The following SLC4A10 variants were observed in gnomAD, a reference collection of about 807,000 sequenced individuals.
SLC4A10 encodes the protein solute carrier family 4 member 10.
A neutral mutation model predicts 137.7 loss-of-function variants in SLC4A10; 42 were observed. The observed-to-expected ratio is 0.30, with a 90% CI of 0.24 to 0.39. The LOEUF (loss-of-function observed/expected upper bound fraction) is 0.39, where lower values mean the gene tolerates loss of function less well. Among genes scored for constraint, SLC4A10 ranks in the 10% least tolerant of loss-of-function variants. The pLI, the probability that SLC4A10 is intolerant of heterozygous loss-of-function variation, is 1.00. For missense variants in SLC4A10, 925 were observed against 1,355.0 expected (o/e 0.68, Z 4.98); for synonymous variants, 474 against 464.1 (o/e 1.02, Z -0.27).
At chr2:161,974,362 A>C (rs746454452) in intron 24 of SLC4A10, 46 bp downstream of exon 24, 1 of 1,427,242 alleles carries the variant, frequency 7.0e-7, no homozygotes. Flanking sequence ...AATGAAATGC[A>C]TTGTTATATA....
intron 1 of SLC4A10, among the ~76,000 whole-genome samples, chr2:161,632,593 T>C (rs1175641562): frequency 6.6e-6 from 1 of 151,578 alleles, no homozygotes; most frequent in African/African-American, 2.4e-5. Context: ...ATAGTAAATA[T>C]AAAAATTTGG....
intron 1 of SLC4A10, among the ~76,000 whole-genome samples, chr2:161,693,754 A>G (rs903569290): frequency 6.8e-6 from 1 of 147,836 alleles, no homozygotes; most frequent in Non-Finnish European, 1.5e-5. Context: ...CATTTCACTT[A>G]CCAAAATGCC....
chr2:161,698,076 A>G (rs566083694), intron 1 of SLC4A10, among the ~76,000 whole-genome samples: 1 of 152,306 alleles, frequency 6.6e-6, no homozygotes, highest in East Asian at 1.9e-4. Context: ...GCAATTGTGA[A>G]TGGGAGTTCA....
chr2:161,942,771 G>T lies in SLC4A10; in HGVS notation c.1998-21G>T, dbSNP rs1192174803. The T allele has an allele frequency of 3.2e-6, 5 of 1,565,918 alleles. No homozygotes were observed. In the Admixed American group the frequency reaches 5.5e-5, roughly 17 times the overall value. On this transcript the variant is annotated intron_variant, in intron 15 of 26. Transcript: ENST00000446997. ...ACAAAAAGCTACTTATTTCACAAAA[G>T]ACACTATTTTGCCTTTTCAGGTGTA...
At chr2:161,957,407 A>G (rs1327187478) in intron 20 of SLC4A10, among the ~76,000 whole-genome samples, 167 bp downstream of exon 20, 2 of 152,198 alleles carry the variant, frequency 1.3e-5, no homozygotes, top group Non-Finnish European at 2.9e-5. Context: ...AAGGGAGGGA[A>G]ATTACGTCCT....
At chr2:161,687,619 G>A (rs939903683) in intron 1 of SLC4A10, among the ~76,000 whole-genome samples, 2 of 152,006 alleles carry the variant, frequency 1.3e-5, no homozygotes, top group African/African-American at 4.8e-5. Flanking sequence ...CATTTGTTAA[G>A]CAATATTGAT....
At position 161,766,936 on chromosome 2, in the gene SLC4A10, A is replaced by G. The variant is rs1051817973; in HGVS notation, c.49-4037A>G. On this transcript the variant is annotated intron_variant, in intron 1 of 26. Transcript: ENST00000446997. ...CAGAAAGATATAAGACCACAGGCTA[A>G]AAAACATATCTTTCCACTATGTATT... Among the ~76,000 whole-genome samples, 25 of 151,332 alleles carry G rather than the reference A, an allele frequency of 1.7e-4. No individual in the cohort carries two copies. The South Asian group carries it at 1.7e-3, about 10-fold the overall frequency.
At chr2:161,752,649 A>T (rs1280984294) in intron 1 of SLC4A10, among the ~76,000 whole-genome samples, 1 of 152,186 alleles carries the variant, frequency 6.6e-6, no homozygotes, top group East Asian at 1.9e-4. Context: ...AAATAAAAAA[A>T]TCTTGTCATT....
intron 16 of SLC4A10, 57 bp downstream of exon 16, chr2:161,942,954 T>C: frequency 7.3e-7 from 1 of 1,377,800 alleles, no homozygotes; most frequent in Non-Finnish European, 1.0e-6. Flanking sequence ...ACATTTTGAC[T>C]CAATTATTGC....
At position 161,947,673 on chromosome 2, in the gene SLC4A10, T is replaced by C; in HGVS notation, c.2211T>C (p.Val737=). ...FWSVILFFST[V]TLSATLKQFK... ...CTGTGATCCTGTTCTTTTCCACAGTTACTCTGTCAGCCACCCTGAAGCAGT... is the reference window on the plus strand; with the variant it reads ...CTGTGATCCTGTTCTTTTCCACAGTCACTCTGTCAGCCACCCTGAAGCAGT... Residue 737 remains valine (V), a synonymous_variant, in exon 17 of 27, where the codon GTT becomes GTC. Coordinates refer to ENST00000446997, the MANE Select transcript of SLC4A10 (RefSeq NM_001178015.2). 6.2e-7 allele frequency: 1 copy of C among 1,613,328 alleles called. No individual in the cohort carries two copies. Among genetic ancestry groups the C allele is most frequent in the South Asian group, 1.1e-5 (1 of 91,078 alleles).
chr2:161,660,583 TC>T (rs2038187634), intron 1 of SLC4A10, among the ~76,000 whole-genome samples: 1 of 131,306 alleles, frequency 7.6e-6, no homozygotes, highest in African/African-American at 2.6e-5. Context: ...TTTCTTTCTT[TC>T]TTTCTTTCTT....
intron 3 of SLC4A10, among the ~76,000 whole-genome samples, chr2:161,835,245 G>A (rs899355159): frequency 3.2e-4 from 48 of 152,010 alleles, no homozygotes; most frequent in Non-Finnish European, 6.0e-4. Context: ...CACCATGCTG[G>A]CCAGGCTGGT....
intron 6 of SLC4A10, among the ~76,000 whole-genome samples, chr2:161,867,331 T>A (rs2060822803): frequency 6.6e-6 from 1 of 152,016 alleles, no homozygotes; most frequent in African/African-American, 2.4e-5. Flanking sequence ...AATGGTCTCA[T>A]AAATAAGATA....
intron 1 of SLC4A10, among the ~76,000 whole-genome samples, chr2:161,636,141 A>G (rs2105444406): frequency 6.6e-6 from 1 of 152,258 alleles, no homozygotes; most frequent in East Asian, 1.9e-4. Context: ...GTATGAGTTT[A>G]TTTTGGTGCA....
chr2:161,755,692 A>G (rs1429773226), intron 1 of SLC4A10, among the ~76,000 whole-genome samples: 1 of 151,944 alleles, frequency 6.6e-6, no homozygotes, highest in Non-Finnish European at 1.5e-5. Flanking sequence ...TCATCCCTTT[A>G]GAATACTTGC....
chr2:161,724,881 G>T (rs1037368145), intron 1 of SLC4A10, among the ~76,000 whole-genome samples: 1 of 152,064 alleles, frequency 6.6e-6, no homozygotes, highest in Admixed American at 6.6e-5. Flanking sequence ...TGGATTCCAG[G>T]ATTTACCTTA....
chr2:161,866,932 T>C (rs1209830679), intron 6 of SLC4A10, among the ~76,000 whole-genome samples: 2 of 151,974 alleles, frequency 1.3e-5, no homozygotes, highest in African/African-American at 4.8e-5. Flanking sequence ...TTCTGCTCTA[T>C]CCTTTACTAA....
chr2:161,889,665 TTC>T (rs1299095499), intron 10 of SLC4A10, among the ~76,000 whole-genome samples: 1 of 152,152 alleles, frequency 6.6e-6, no homozygotes, highest in Non-Finnish European at 1.5e-5. Flanking sequence ...TATTTGATTT[TTC>T]TCTCTTTTCT....
intron 3 of SLC4A10, among the ~76,000 whole-genome samples, chr2:161,819,816 A>G (rs2057463789): frequency 6.6e-6 from 1 of 152,160 alleles, no homozygotes; most frequent in Non-Finnish European, 1.5e-5. Context: ...TTTTAATGTC[A>G]TCTTCTATTC....
Sources: gnomAD v4.1 joint callset for allele counts (sites outside exome capture counted in the v4.1 genomes callset) on GRCh38, gnomAD v4.1.1 for gene constraint, MANE v1.5 for transcripts, NCBI Gene and HGNC (gene_info 2026-07-23, HGNC 2026-07-21) for gene names.